The following AUTS2 variants were observed in gnomAD, a reference collection of about 807,000 sequenced individuals.
The protein encoded by AUTS2 is activator of transcription and developmental regulator AUTS2.
Under a neutral mutation model 112.4 loss-of-function variants are expected in AUTS2, and 17 were observed. The observed-to-expected ratio is 0.15, with a 90% CI of 0.10 to 0.23. AUTS2 has a LOEUF of 0.23. Ranked by LOEUF, AUTS2 falls within the 10% of genes least tolerant of loss-of-function variation. The probability of loss-of-function intolerance (pLI) is 1.00; values close to 1 mark genes in which losing one functional copy is unlikely to be tolerated. For synonymous variants in AUTS2, 751 were observed against 702.7 expected (o/e 1.07, Z -1.09); for missense variants, 1,510 against 1,701.6 (o/e 0.89, Z 1.98).
chr7:70,102,115 C>CTTTTTTTTTTTTTTTTTTTTT (rs537710268), intron 2 of AUTS2, among the ~76,000 whole-genome samples: 1 of 127,190 alleles, frequency 7.9e-6, no homozygotes, highest in Non-Finnish European at 1.7e-5. Flanking sequence ...GCAGTGTTTA[C>CTTTTTTTTTTTTTTTTTTTTT]TTTTTTTTTT....
At chr7:70,504,482 G>A (rs1798888009) in intron 5 of AUTS2, among the ~76,000 whole-genome samples, 2 of 152,144 alleles carry the variant, frequency 1.3e-5, no homozygotes, top group African/African-American at 4.8e-5. Context: ...CAAAATAACA[G>A]AGATTATGGG....
At position 69,749,725 on chromosome 7, in the gene AUTS2, G is replaced by T. The variant is rs114052845; in HGVS notation, c.310-149561G>T. On this transcript the variant is annotated intron_variant, in intron 1 of 18. Transcript: ENST00000342771. ...TTTGTTTTATACAAAAACAGTTCTC[G>T]CTGGCTTGCGGCTTCTCTGCTGCCA... Among the ~76,000 whole-genome samples the T allele has an allele frequency of 2.9e-3, 443 of 152,278 alleles. 5 individuals are homozygous for T. The highest frequency in any genetic ancestry group is 0.01 in the African/African-American group (429 of 41,554).
At chr7:69,980,538 G>A (rs1563012260) in intron 2 of AUTS2, among the ~76,000 whole-genome samples, 2 of 151,974 alleles carry the variant, frequency 1.3e-5, no homozygotes. Flanking sequence ...GCTTATGTTG[G>A]CATTATCTTT....
At chr7:69,895,448 C>G (rs965730857) in intron 1 of AUTS2, among the ~76,000 whole-genome samples, 3 of 151,718 alleles carry the variant, frequency 2.0e-5, no homozygotes, top group Non-Finnish European at 2.9e-5. Flanking sequence ...AAATATAAAC[C>G]TGTTACATAA....
chr7:70,624,997 C>A (rs1406664276), intron 5 of AUTS2, among the ~76,000 whole-genome samples: 8 of 152,078 alleles, frequency 5.3e-5, no homozygotes, highest in African/African-American at 1.9e-4. Flanking sequence ...CTGTTCCACT[C>A]CACAGCCAGC....
intron 4 of AUTS2, among the ~76,000 whole-genome samples, chr7:70,414,410 G>A (rs576157210): frequency 6.6e-6 from 1 of 152,306 alleles, no homozygotes; most frequent in East Asian, 1.9e-4. Context: ...GGGACTGGCA[G>A]AATTGGAATT....
At chr7:70,121,330 A>G (rs975394929) in intron 3 of AUTS2, among the ~76,000 whole-genome samples, 1 of 152,192 alleles carries the variant, frequency 6.6e-6, no homozygotes, top group Non-Finnish European at 1.5e-5. Context: ...TGTACAATGA[A>G]AGAGAAAATA....
chr7:69,984,406 CAAAAAA>C (rs34689325), intron 2 of AUTS2, among the ~76,000 whole-genome samples: 2 of 80,612 alleles, frequency 2.5e-5, no homozygotes, highest in East Asian at 3.6e-4. Context: ...GACTCTGTCT[CAAAAAA>C]AAAAAAAAAA....
At chr7:70,563,635 T>C (rs1285817366) in intron 5 of AUTS2, among the ~76,000 whole-genome samples, 1 of 152,096 alleles carries the variant, frequency 6.6e-6, no homozygotes, top group Non-Finnish European at 1.5e-5. Flanking sequence ...CGGAGAGGGA[T>C]TGGGCCCACC....
In AUTS2 at chr7:70,657,668, C is replaced by G. The variant is rs147484591; in HGVS notation, c.691-40901C>G. Among the ~76,000 whole-genome samples the G allele has an allele frequency of 4.4e-3, 677 of 152,332 alleles. 1 individual carries two copies. Among genetic ancestry groups the G allele is most frequent in the Non-Finnish European group, 7.3e-3 (498 of 68,032 alleles). On this transcript the variant is annotated intron_variant, in intron 5 of 18. Coordinates refer to ENST00000342771, the MANE Select transcript of AUTS2 (RefSeq NM_015570.4). ...GCTGCTATTTTTTCCCCTAGCGTCACTCCTTCACTAAGGGATCTGAGCTGT... is the reference window on the plus strand; with the variant it reads ...GCTGCTATTTTTTCCCCTAGCGTCAGTCCTTCACTAAGGGATCTGAGCTGT...
chr7:70,102,851 G>C (rs866707819), intron 2 of AUTS2, among the ~76,000 whole-genome samples: 2 of 152,054 alleles, frequency 1.3e-5, no homozygotes, highest in African/African-American at 4.8e-5. Flanking sequence ...AAAAAAAACT[G>C]TTAGAGACTG....
intron 5 of AUTS2, among the ~76,000 whole-genome samples, chr7:70,696,524 C>T (rs1809115181): frequency 6.6e-6 from 1 of 152,190 alleles, no homozygotes; most frequent in African/African-American, 2.4e-5. Context: ...TCCTTAATAA[C>T]TTACTGATCG....
chr7:69,962,246 G>C (rs1273329819), intron 2 of AUTS2, among the ~76,000 whole-genome samples: 2 of 152,116 alleles, frequency 1.3e-5, no homozygotes, highest in African/African-American at 4.8e-5. Context: ...AAACCACTTA[G>C]CTTGGAGCTG....
intron 4 of AUTS2, among the ~76,000 whole-genome samples, chr7:70,304,717 C>CTTTTTTTT (rs11464532): frequency 9.9e-6 from 1 of 101,324 alleles, no homozygotes; most frequent in Non-Finnish European, 1.9e-5. Context: ...GGATTTTTAA[C>CTTTTTTTT]TTTTTTTTTT....
intron 5 of AUTS2, among the ~76,000 whole-genome samples, chr7:70,650,996 T>C (rs1806475414): frequency 6.6e-6 from 1 of 152,204 alleles, no homozygotes; most frequent in East Asian, 1.9e-4. Flanking sequence ...GAAGTCCGAA[T>C]GGGATGAAGA....
chr7:70,173,239 AT>A (rs1330658853), intron 4 of AUTS2, among the ~76,000 whole-genome samples: 1 of 151,746 alleles, frequency 6.6e-6, no homozygotes, highest in African/African-American at 2.4e-5. Flanking sequence ...TTAGCCAGGT[AT>A]GGTGGTGGGT....
Position 70,790,832 on chromosome 7 carries a change from G to A in AUTS2, c.3616G>A (p.Gly1206Arg), listed in dbSNP as rs140485978. The change falls in exon 19 of 19, where the codon GGA becomes AGA. Residue 1206 changes from glycine to arginine, a missense_variant. Coordinates refer to ENST00000342771, the MANE Select transcript of AUTS2 (RefSeq NM_015570.4). The surrounding 1 kb of genome is among the most constrained non-coding windows in gnomAD (Gnocchi z 7.6). ...CAGCCCCACCGCGGGCAACCAGAACGGACTCCTCAACAAGACCCCTCCGAC... is the reference window on the plus strand; with the variant it reads ...CAGCCCCACCGCGGGCAACCAGAACAGACTCCTCAACAAGACCCCTCCGAC... ...RISPTAGNQN[G>R]LLNKTPPTAA... 1 of 1,606,812 alleles carries A rather than the reference G, an allele frequency of 6.2e-7. No homozygotes were observed. Among genetic ancestry groups the A allele is most frequent in the African/African-American group, 1.3e-5 (1 of 74,794 alleles).
chr7:70,407,669 A>C (rs931077593), intron 4 of AUTS2, among the ~76,000 whole-genome samples: 1 of 152,178 alleles, frequency 6.6e-6, no homozygotes, highest in African/African-American at 2.4e-5. Flanking sequence ...CTGTAATCCC[A>C]GCACTTTGGG....
intron 15 of AUTS2, chr7:70,784,651 T>C (rs774547421): frequency 2.9e-4 from 127 of 438,296 alleles, no homozygotes; most frequent in Non-Finnish European, 4.5e-4. Flanking sequence ...TGTAATACTG[T>C]GTGTCATCGG....
Sources: gnomAD v4.1 joint callset for allele counts (sites outside exome capture counted in the v4.1 genomes callset) on GRCh38, gnomAD v4.1.1 for gene constraint, Gnocchi (gnomAD v3.1) non-coding constraint, MANE v1.5 for transcripts, NCBI Gene and HGNC (gene_info 2026-07-23, HGNC 2026-07-21) for gene names.